KDM5B: variants seen among roughly 807,000 people sequenced by gnomAD.
KDM5B encodes lysine demethylase 5B, also known as lysine-specific demethylase 5B.
A neutral mutation model predicts 193.4 loss-of-function variants in KDM5B; 144 were observed. The observed-to-expected ratio is 0.74, with a 90% CI of 0.65 to 0.86. The LOEUF (loss-of-function observed/expected upper bound fraction) is 0.86. Ranked by LOEUF, KDM5B falls within the 40% of genes least tolerant of loss-of-function variation. KDM5B has a pLI of 0.00. For missense variants in KDM5B, 1,833 were observed against 1,886.9 expected (o/e 0.97, Z 0.53); for synonymous variants, 668 against 682.6 (o/e 0.98, Z 0.33).
chr1:202,748,303 T>A (rs1187508709), intron 14 of KDM5B, among the ~76,000 whole-genome samples: 2 of 152,158 alleles, frequency 1.3e-5, no homozygotes, highest in Admixed American at 6.5e-5. Context: ...AAATTCTAGA[T>A]GACTTTGTAG....
intron 26 of KDM5B, 27 bp from the exon 27 acceptor site, chr1:202,729,200 G>GT: frequency 6.2e-7 from 1 of 1,613,360 alleles, no homozygotes; most frequent in Non-Finnish European, 8.5e-7. Flanking sequence ...GGAAGATGGG[G>GT]TTTTCAGAGG....
At position 202,726,614 on chromosome 1, in the gene KDM5B, G is replaced by A. The variant is rs1339560181; in HGVS notation, c.*2422C>T. The A allele has an allele frequency of 6.6e-6, 1 of 152,132 alleles. No individual in the cohort carries two copies. Among genetic ancestry groups the A allele is most frequent in the Admixed American group, 6.5e-5 (1 of 15,274 alleles). The allele number at this position is 152,132 out of a possible 1,614,324, so 9.4% of individuals were successfully genotyped here. A position where few individuals can be genotyped will look rare whatever the true frequency, so the allele number is the denominator to read the frequency against. On this transcript the variant is annotated 3_prime_UTR_variant, in exon 27 of 27. Transcript: ENST00000367265. ...CACAAAGCTGCAGGACTACTGAGAT[G>A]GAAACTGAAGTGTCAGTTTCCATGT... is the stretch of plus-strand genomic sequence containing the variant.
chr1:202,737,417 G>C (rs1002755832), intron 20 of KDM5B, among the ~76,000 whole-genome samples: 1 of 152,176 alleles, frequency 6.6e-6, no homozygotes, highest in Non-Finnish European at 1.5e-5. Context: ...TCTGGGAACT[G>C]TATTTTTAGA....
chr1:202,768,253 T>C (rs1656557253), intron 4 of KDM5B, among the ~76,000 whole-genome samples: 1 of 152,198 alleles, frequency 6.6e-6, no homozygotes. Context: ...GACAAAATAT[T>C]GCCACCGAAG....
In KDM5B at chr1:202,733,850, C is replaced by A; in HGVS notation, c.3460G>T (p.Glu1154Ter). Residue 1154 changes from glutamate to a stop codon, truncating the protein, a stop_gained, in exon 23 of 27, where the codon GAA (glutamate) becomes TAA (stop). Coordinates refer to ENST00000367265, the MANE Select transcript of KDM5B (RefSeq NM_006618.5). LOFTEE classifies it high-confidence loss of function. ...GCGAGTCTGAGAGACTGCAAGGCTT[C>A]CATTTCCCTTAGGCGAGCTTCCCCA... is the stretch of plus-strand genomic sequence containing the variant. ...TLGEARLREM[E>*]ALQSLRLANE... 1 of 1,613,340 alleles carries A rather than the reference C, an allele frequency of 6.2e-7. No individual in the cohort carries two copies. Among genetic ancestry groups the A allele is most frequent in the Non-Finnish European group, 8.5e-7 (1 of 1,179,608 alleles).
At chr1:202,788,559 TGTATTG>T (rs71142560) in intron 1 of KDM5B, among the ~76,000 whole-genome samples, 38,119 of 151,190 alleles carry the variant, frequency 0.25, 5,154 homozygotes, top group East Asian at 0.45. Flanking sequence ...TGATCTGTAT[TGTATTG>T]GTATTGGTAT....
chr1:202,781,402 C>A (rs1048288756), intron 1 of KDM5B, among the ~76,000 whole-genome samples: 1 of 152,142 alleles, frequency 6.6e-6, no homozygotes, highest in Non-Finnish European at 1.5e-5. Flanking sequence ...AGCTAAAAAG[C>A]AAAGGTAATT....
At chr1:202,797,787 A>C (rs1194234733) in intron 1 of KDM5B, among the ~76,000 whole-genome samples, 2 of 152,232 alleles carry the variant, frequency 1.3e-5, no homozygotes, top group Non-Finnish European at 2.9e-5. Context: ...TCACCAAACT[A>C]AACTCCTGCC....
intron 1 of KDM5B, among the ~76,000 whole-genome samples, chr1:202,807,800 CA>C (rs1041389632): frequency 2.0e-5 from 3 of 151,856 alleles, no homozygotes; most frequent in African/African-American, 7.3e-5. Context: ...CGGCTCCTGC[CA>C]TCACTCCATC....
At chr1:202,750,630 A>T in intron 13 of KDM5B, 29 bp downstream of exon 13, 1 of 1,605,018 alleles carries the variant, frequency 6.2e-7, no homozygotes, top group Non-Finnish European at 8.5e-7. Context: ...AATAAATTTG[A>T]AAAGGTTAAC....
intron 2 of KDM5B, among the ~76,000 whole-genome samples, chr1:202,776,466 CAGG>C (rs1423353330): frequency 6.6e-6 from 1 of 152,016 alleles, no homozygotes; most frequent in Non-Finnish European, 1.5e-5. Context: ...CGCTTCAGCC[CAGG>C]AGTTTGAGAC....
At chr1:202,787,673 G>C (rs561417210) in intron 1 of KDM5B, among the ~76,000 whole-genome samples, 8 of 151,908 alleles carry the variant, frequency 5.3e-5, no homozygotes, top group Non-Finnish European at 1.0e-4. Context: ...GGATCACGAG[G>C]TCAGTTCGAG....
At chr1:202,759,471 G>A (rs1463447077) in intron 8 of KDM5B, among the ~76,000 whole-genome samples, 2 of 151,602 alleles carry the variant, frequency 1.3e-5, no homozygotes, top group Non-Finnish European at 2.9e-5. Flanking sequence ...AGCTGGGGAG[G>A]CGGAGGTTGC....
At chr1:202,753,943 C>T (rs1054640468) in intron 11 of KDM5B, among the ~76,000 whole-genome samples, 6 of 152,118 alleles carry the variant, frequency 3.9e-5, no homozygotes, top group Non-Finnish European at 8.8e-5. Flanking sequence ...AGATTACAGG[C>T]GTGAGCCACC....
rs1274134775 is a variant in KDM5B at position 202,777,073 on chromosome 1, A to G, written c.226T>C (p.Cys76Arg). 3 of 1,613,494 alleles carry G rather than the reference A, an allele frequency of 1.9e-6. No homozygotes were observed. The highest frequency in any genetic ancestry group is 1.7e-4 in the Middle Eastern group (1 of 6,060). ...GTAAAATGAAGTTTATCAACATCACATGCAAATGGTGGCTGCCAATCCTAG... is the reference window on the plus strand; with the variant it reads ...GTAAAATGAAGTTTATCAACATCACGTGCAAATGGTGGCTGCCAATCCTAG... ...PPPDWQPPFA[C>R]DVDKLHFTPR... Residue 76 changes from cysteine (C) to arginine (R), a missense_variant, in exon 2 of 27, where the codon TGT (cysteine) becomes CGT (arginine). Cys to Arg is a radical substitution (Grantham distance 180). Coordinates refer to ENST00000367265, the MANE Select transcript of KDM5B (RefSeq NM_006618.5).
chr1:202,768,853 G>A (rs1313527626), intron 4 of KDM5B, among the ~76,000 whole-genome samples: 2 of 151,378 alleles, frequency 1.3e-5, no homozygotes, highest in Non-Finnish European at 2.9e-5. Flanking sequence ...AAGTAGCTGG[G>A]ATTACAGGCA....
At chr1:202,781,893 T>C (rs1657211613) in intron 1 of KDM5B, among the ~76,000 whole-genome samples, 1 of 152,220 alleles carries the variant, frequency 6.6e-6, no homozygotes, top group African/African-American at 2.4e-5. Flanking sequence ...CCCTGATTGA[T>C]CAGATAATGT....
chr1:202,742,512 A>T lies in KDM5B; in HGVS notation c.2475-7T>A. On this transcript the variant is annotated splice_region_variant and splice_polypyrimidine_tract_variant and intron_variant, in intron 17 of 26. Transcript: ENST00000367265. ...CCCTCCACCAGATCGATATCTGTAA[A>T]GACAAAGGCCCAAGGAAGCCATATA... is the stretch of plus-strand genomic sequence containing the variant. 6.2e-7 allele frequency: 1 copy of T among 1,612,916 alleles called. No individual in the cohort carries two copies. The highest frequency in any genetic ancestry group is 8.5e-7 in the Non-Finnish European group (1 of 1,179,094).
chr1:202,788,745 A>G (rs74136907), intron 1 of KDM5B, among the ~76,000 whole-genome samples: 2,615 of 152,272 alleles, frequency 0.017, 76 homozygotes, highest in African/African-American at 0.06. Flanking sequence ...CAGCATGCCT[A>G]TATCAAGCCA....
Sources: allele counts gnomAD v4.1 joint callset (sites outside exome capture counted in the v4.1 genomes callset), GRCh38; gene constraint gnomAD v4.1.1; transcripts MANE v1.5; gene names NCBI Gene and HGNC (gene_info 2026-07-23, HGNC 2026-07-21).